SCN11A: variants seen among roughly 807,000 people sequenced by gnomAD.
SCN11A encodes the protein sodium voltage-gated channel alpha subunit 11.
A neutral mutation model predicts 162.2 loss-of-function variants in SCN11A; 122 were observed. The observed-to-expected ratio is 0.75, with a 90% confidence interval of 0.65 to 0.87. The LOEUF (loss-of-function observed/expected upper bound fraction) is 0.87, where lower values mean the gene tolerates loss of function less well. Among genes scored for constraint, SCN11A ranks in the 40% least tolerant of loss-of-function variants. SCN11A has a pLI of 0.00. For synonymous variants in SCN11A, 758 were observed against 751.5 expected, an observed-to-expected ratio of 1.01 and a Z score of -0.14; for missense variants, 2,015 against 2,181.6, an observed-to-expected ratio of 0.92 and a Z score of 1.52.
chr3:38,963,453 T>C (rs531687245), intron 2 of SCN11A, among the ~76,000 whole-genome samples: 8 of 109,892 alleles, frequency 7.3e-5, no homozygotes, highest in Admixed American at 4.5e-4. Flanking sequence ...ATGATGGAGA[T>C]ATATATATAT....
At chr3:38,944,484 G>A (rs1348269924) in intron 7 of SCN11A, among the ~76,000 whole-genome samples, 4 of 151,508 alleles carry the variant, frequency 2.6e-5, no homozygotes, top group African/African-American at 7.3e-5. Flanking sequence ...CCGCCACCAC[G>A]CCTGGCTAAT....
chr3:39,049,112 A>G (rs2032257319), intron 1 of SCN11A, among the ~76,000 whole-genome samples: 1 of 152,254 alleles, frequency 6.6e-6, no homozygotes, highest in Non-Finnish European at 1.5e-5. Context: ...AGATGGTTAA[A>G]CAGCAATAGA....
chr3:38,932,404 G>A (rs7630613), intron 7 of SCN11A, among the ~76,000 whole-genome samples: 132,503 of 152,216 alleles, frequency 0.87, 57,762 homozygotes, highest in South Asian at 0.91. Context: ...TGCATGAGCC[G>A]AAGCAGGGTG....
intron 28 of SCN11A, among the ~76,000 whole-genome samples, chr3:38,857,979 C>T (rs1180910686): frequency 1.3e-5 from 2 of 151,954 alleles, no homozygotes; most frequent in Admixed American, 1.3e-4. Flanking sequence ...ACCAACACTG[C>T]AAGAAATGCA....
Position 38,958,683 on chromosome 3 carries a change from T to C in SCN11A, c.-139+1600A>G, listed in dbSNP as rs1458663945. Among the ~76,000 whole-genome samples the C allele has an allele frequency of 3.3e-5, 5 of 152,240 alleles. No individual in the cohort carries two copies. In the East Asian group the frequency reaches 5.8e-4, roughly 18 times the overall value. Reference sequence around the variant, plus strand: ...AGTCTTTTTGTCCATATATTTCATATGACTGTCATTGTCCTGTATAACAAT... The same window carrying C: ...AGTCTTTTTGTCCATATATTTCATACGACTGTCATTGTCCTGTATAACAAT... On this transcript the variant is annotated intron_variant, in intron 3 of 29. Transcript: ENST00000302328.
At position 38,846,842 on chromosome 3, in the gene SCN11A, G is replaced by C. The variant is rs771416596; in HGVS notation, c.5228C>G (p.Ala1743Gly). ...EERGAAIIQK[A>G]FRKYMMKVTK... ...CACCTTCATCATGTACTTTCGAAAGGCCTTTTGAATAATAGCAGCACCTCT... is the reference window on the plus strand; with the variant it reads ...CACCTTCATCATGTACTTTCGAAAGCCCTTTTGAATAATAGCAGCACCTCT... The change falls in exon 30 of 30, where the codon GCC becomes GGC. Residue 1743 changes from alanine (A) to glycine (G), a missense_variant. Coordinates refer to ENST00000302328, the MANE Select transcript of SCN11A (RefSeq NM_001349253.2). 1 of 1,614,000 alleles carries C rather than the reference G, an allele frequency of 6.2e-7. No individual in the cohort carries two copies. Among genetic ancestry groups the C allele is most frequent in the Non-Finnish European group, 8.5e-7 (1 of 1,180,020 alleles).
In SCN11A at chr3:38,845,933, A is replaced by C. The variant is rs1277567917; in HGVS notation, c.*761T>G. ...AATGTCTGCAATAAGCTATTCATTT[A>C]TTGGCAAGTTTTGAATTTTCATTTA... On this transcript the variant is annotated 3_prime_UTR_variant, in exon 30 of 30. Transcript: ENST00000302328. 6.6e-6 allele frequency: 1 copy of C among 152,232 alleles called. No individual in the cohort carries two copies. The highest frequency in any genetic ancestry group is 1.5e-5 in the Non-Finnish European group (1 of 68,024). 9.4% of individuals were successfully genotyped at this position (152,232 alleles called of 1,614,324 possible).
chr3:38,976,127 C>A (rs1225243867), intron 2 of SCN11A, among the ~76,000 whole-genome samples: 1 of 151,974 alleles, frequency 6.6e-6, no homozygotes, highest in Non-Finnish European at 1.5e-5. Context: ...CTTTAAAGTT[C>A]AATATACTTA....
chr3:38,892,604 C>T (rs1575255587), intron 19 of SCN11A, among the ~76,000 whole-genome samples: 1 of 152,112 alleles, frequency 6.6e-6, no homozygotes, highest in East Asian at 1.9e-4. Context: ...TAAATATACA[C>T]TTATTTTCTT....
intron 9 of SCN11A, among the ~76,000 whole-genome samples, chr3:38,924,290 C>CAGCCTGT (rs1439874072): frequency 5.3e-5 from 8 of 152,066 alleles, no homozygotes; most frequent in Non-Finnish European, 1.2e-4. Flanking sequence ...CTGCAGCCTG[C>CAGCCTGT]AGCCTCTGCC....
At chr3:38,991,006 TG>T (rs1575349805) in intron 2 of SCN11A, among the ~76,000 whole-genome samples, 1 of 152,066 alleles carries the variant, frequency 6.6e-6, no homozygotes, top group African/African-American at 2.4e-5. Context: ...TTCCGTCTCC[TG>T]GGGGAAAAAA....
intron 11 of SCN11A, among the ~76,000 whole-genome samples, chr3:38,916,970 T>C (rs952412823): frequency 6.6e-6 from 1 of 152,098 alleles, no homozygotes; most frequent in Non-Finnish European, 1.5e-5. Context: ...GTACTAGGAG[T>C]TGGTTTACCA....
At chr3:38,982,950 T>C (rs977481939) in intron 2 of SCN11A, among the ~76,000 whole-genome samples, 16 of 152,216 alleles carry the variant, frequency 1.1e-4, no homozygotes, top group Admixed American at 8.5e-4. Flanking sequence ...AATCAACTTA[T>C]GTGAGTTATC....
intron 21 of SCN11A, 32 bp from the exon 22 acceptor site, chr3:38,883,419 G>A (rs779881167): frequency 3.1e-6 from 5 of 1,596,604 alleles, no homozygotes; most frequent in Non-Finnish European, 4.3e-6. Context: ...ACTATCATTA[G>A]TGTCTGTAAT....
chr3:39,009,117 A>T (rs766635349), intron 2 of SCN11A, among the ~76,000 whole-genome samples: 20 of 152,156 alleles, frequency 1.3e-4, no homozygotes, highest in Non-Finnish European at 2.2e-4. Flanking sequence ...GAAAAAGCAG[A>T]TATGAGAAGT....
intron 28 of SCN11A, among the ~76,000 whole-genome samples, chr3:38,862,565 A>G (rs554612424): frequency 1.3e-5 from 2 of 152,312 alleles, no homozygotes; most frequent in East Asian, 3.9e-4. Flanking sequence ...TCAGCCATAA[A>G]AAGGAATGAA....
chr3:39,044,883 GA>G (rs1444494815), intron 1 of SCN11A, among the ~76,000 whole-genome samples: 8 of 151,238 alleles, frequency 5.3e-5, no homozygotes, highest in African/African-American at 1.9e-4. Flanking sequence ...AAAGTTTTTT[GA>G]AAAGATAATA....
rs1575278407 is a variant in SCN11A at position 38,908,880 on chromosome 3, T to C, written c.1299+117A>G. The C allele has an allele frequency of 7.5e-6, 6 of 802,486 alleles. No homozygotes were observed. The East Asian group carries it at 9.7e-5, about 13-fold the overall frequency. The allele number at this position is 802,486 out of a possible 1,614,324, so 49.7% of individuals were successfully genotyped here. ...ACTTATATTCTCAGAAAAGCACCAG[T>C]AGAGAAAGCACTGAGACCAGGCCAA... On this transcript the variant is annotated intron_variant, in intron 13 of 29. Coordinates refer to ENST00000302328, the MANE Select transcript of SCN11A (RefSeq NM_001349253.2).
Position 38,930,055 on chromosome 3 carries a change from G to A in SCN11A, c.489-3124C>T, listed in dbSNP as rs531078372. 3.9e-5 allele frequency among the ~76,000 whole-genome samples: 6 copies of A among 151,960 alleles called. No individual in the cohort carries two copies. In the East Asian group the frequency reaches 5.8e-4, roughly 15 times the overall value. On this transcript the variant is annotated intron_variant, in intron 7 of 29. Coordinates refer to ENST00000302328, the MANE Select transcript of SCN11A (RefSeq NM_001349253.2). ...TCTGCTGTCTCAAAAAAAAAATCTC[G>A]TATCTTTTGTTATAATCCCAAGCTG... is the stretch of plus-strand genomic sequence containing the variant.
Sources: allele counts gnomAD v4.1 joint callset (sites outside exome capture counted in the v4.1 genomes callset), GRCh38; gene constraint gnomAD v4.1.1; transcripts MANE v1.5; gene names NCBI Gene and HGNC (gene_info 2026-07-23, HGNC 2026-07-21).